Variants in GPR39 observed in about 807,000 individuals in gnomAD.
GPR39 encodes the protein G protein-coupled receptor 39, also known as zinc sensing receptor.
In GPR39, 23 loss-of-function variants were observed where a neutral mutation model predicts 18.4. That is an observed-to-expected ratio of 1.25 (90% CI 0.90 to 1.77). The LOEUF is 1.77. Among genes scored for constraint, GPR39 ranks in the 40% most tolerant of loss-of-function variants. The probability of loss-of-function intolerance (pLI) is 0.00; values close to 1 mark genes in which losing one functional copy is unlikely to be tolerated. For synonymous variants in GPR39, 280 were observed against 257.9 expected (o/e 1.09, Z -0.82); for missense variants, 647 against 602.4 (o/e 1.07, Z -0.78).
At chr2:132,560,287 A>G (rs1183811568) in intron 1 of GPR39, among the ~76,000 whole-genome samples, 1 of 151,746 alleles carries the variant, frequency 6.6e-6, no homozygotes, top group Non-Finnish European at 1.5e-5. Context: ...GATAGCTCCC[A>G]CCTTTTGCCT....
intron 1 of GPR39, among the ~76,000 whole-genome samples, chr2:132,562,033 C>A (rs1680262944): frequency 6.6e-6 from 1 of 152,122 alleles, no homozygotes; most frequent in Non-Finnish European, 1.5e-5. Flanking sequence ...TATCTAGGCA[C>A]CCCAGTCCAG....
chr2:132,540,277 T>A (rs761956206), intron 1 of GPR39, among the ~76,000 whole-genome samples: 1 of 152,088 alleles, frequency 6.6e-6, no homozygotes, highest in African/African-American at 2.4e-5. Context: ...CTCCGGAGAT[T>A]TAGTTGTGAG....
chr2:132,502,867 T>C (rs1679072528), intron 1 of GPR39, among the ~76,000 whole-genome samples: 1 of 152,222 alleles, frequency 6.6e-6, no homozygotes, highest in Admixed American at 6.5e-5. Context: ...CTGCTGAGAT[T>C]TTCTAGTGCA....
At chr2:132,606,913 A>G (rs1681148954) in intron 1 of GPR39, among the ~76,000 whole-genome samples, 1 of 152,140 alleles carries the variant, frequency 6.6e-6, no homozygotes, top group Non-Finnish European at 1.5e-5. Flanking sequence ...ACCAAGGGAG[A>G]AGTAGGCTCC....
chr2:132,564,085 A>AGGT (rs1680304755), intron 1 of GPR39, among the ~76,000 whole-genome samples: 1 of 152,260 alleles, frequency 6.6e-6, no homozygotes, highest in African/African-American at 2.4e-5. Context: ...TGTCATAAGC[A>AGGT]GATGAGCAAC....
intron 1 of GPR39, among the ~76,000 whole-genome samples, chr2:132,633,062 G>A (rs924810545): frequency 6.6e-6 from 1 of 152,028 alleles, no homozygotes; most frequent in Non-Finnish European, 1.5e-5. Context: ...AAGAATGGGG[G>A]GTAAAGAGGG....
chr2:132,538,636 A>G (rs1448154293), intron 1 of GPR39, among the ~76,000 whole-genome samples: 2 of 152,318 alleles, frequency 1.3e-5, no homozygotes, highest in Admixed American at 6.5e-5. Flanking sequence ...CAGGCAGGAA[A>G]GATTAAGTCC....
Position 132,566,056 on chromosome 2 carries a change from G to A in GPR39, c.857-79045G>A, listed in dbSNP as rs1294202777. ...TTCCTATTTCTCCACATCCTCTCCA[G>A]CACCTGTTGTTTCCTGACTTTTTAA... On this transcript the variant is annotated intron_variant, in intron 1 of 1. Transcript: ENST00000329321. 2.5e-5 allele frequency among the ~76,000 whole-genome samples: 3 copies of A among 121,476 alleles called. No individual in the cohort carries two copies. The Admixed American group carries it at 2.7e-4, about 11-fold the overall frequency. 79.7% of individuals were successfully genotyped at this position (121,476 alleles called of 152,430 possible).
intron 1 of GPR39, among the ~76,000 whole-genome samples, chr2:132,521,758 G>C (rs1475256965): frequency 6.6e-6 from 1 of 152,082 alleles, no homozygotes; most frequent in South Asian, 2.1e-4. Context: ...TTAGCAATTT[G>C]TATAGCAATA....
In GPR39 at chr2:132,645,213, G is replaced by C; in HGVS notation, c.969G>C (p.Met323Ile). Residue 323 changes from methionine to isoleucine, a missense_variant, in exon 2 of 2, where the codon ATG becomes ATC. Physicochemically the swap from Met to Ile is conservative, Grantham distance 10. Around this residue, in one of 3 missense-constraint regions of GPR39, gnomAD observed 581 missense variants for 506.8 expected, o/e 1.15. Transcript: ENST00000329321. ...CGAGGTCCTACTTCCGGGCGTACATGATCCTCCTCCCCTTCTCGGAGACGT... is the reference window on the plus strand; with the variant it reads ...CGAGGTCCTACTTCCGGGCGTACATCATCCTCCTCCCCTTCTCGGAGACGT... ...DWTRSYFRAY[M>I]ILLPFSETFF... 3 of 1,614,164 alleles carry C rather than the reference G, an allele frequency of 1.9e-6. No homozygotes were observed. Among genetic ancestry groups the C allele is most frequent in the Non-Finnish European group, 2.5e-6 (3 of 1,180,028 alleles).
At chr2:132,437,259 T>C (rs1680341607) in intron 1 of GPR39, among the ~76,000 whole-genome samples, 1 of 152,262 alleles carries the variant, frequency 6.6e-6, no homozygotes, top group African/African-American at 2.4e-5. Flanking sequence ...AAGTGCATTT[T>C]GATCTTTTCT....
At chr2:132,587,037 C>T (rs931509228) in intron 1 of GPR39, among the ~76,000 whole-genome samples, 1 of 152,208 alleles carries the variant, frequency 6.6e-6, no homozygotes, top group Non-Finnish European at 1.5e-5. Flanking sequence ...TTCTGCTTGT[C>T]AGCATTAAAA....
intron 1 of GPR39, among the ~76,000 whole-genome samples, chr2:132,503,140 A>G (rs999758608): frequency 2.0e-5 from 3 of 152,084 alleles, no homozygotes; most frequent in African/African-American, 7.2e-5. Context: ...GGTGTTAAAG[A>G]AGGTTGTTTT....
chr2:132,444,475 TG>T (rs1680499785), intron 1 of GPR39, among the ~76,000 whole-genome samples: 1 of 152,074 alleles, frequency 6.6e-6, no homozygotes, highest in Admixed American at 6.5e-5. Flanking sequence ...TTTGTAGAGA[TG>T]GGGTTCTCAC....
intron 1 of GPR39, among the ~76,000 whole-genome samples, chr2:132,600,296 G>A (rs1681015687): frequency 6.6e-6 from 1 of 152,092 alleles, no homozygotes; most frequent in South Asian, 2.1e-4. Context: ...CATTTAAAAA[G>A]TAGACAGATT....
chr2:132,498,022 G>A (rs114093490), intron 1 of GPR39, among the ~76,000 whole-genome samples: 10,170 of 152,188 alleles, frequency 0.067, 416 homozygotes, highest in Middle Eastern at 0.13. Flanking sequence ...CAGTTATGAC[G>A]ACAATATGGG....
intron 1 of GPR39, among the ~76,000 whole-genome samples, chr2:132,644,356 A>T (rs1000963271): frequency 6.6e-6 from 1 of 152,230 alleles, no homozygotes; most frequent in African/African-American, 2.4e-5. Flanking sequence ...CTGCAAAGGA[A>T]GGGAACATGT....
chr2:132,509,159 C>T (rs1679188075), intron 1 of GPR39, among the ~76,000 whole-genome samples: 1 of 152,160 alleles, frequency 6.6e-6, no homozygotes, highest in African/African-American at 2.4e-5. Flanking sequence ...CACCTGCAGG[C>T]CTTAGCCTGA....
At chr2:132,477,693 A>G (rs1464373408) in intron 1 of GPR39, among the ~76,000 whole-genome samples, 4 of 152,224 alleles carry the variant, frequency 2.6e-5, no homozygotes, top group Admixed American at 6.5e-5. Context: ...GTTTTTCTGT[A>G]GTTTCAACAG....
Sources: gnomAD v4.1 joint callset for allele counts (sites outside exome capture counted in the v4.1 genomes callset) on GRCh38, gnomAD v4.1.1 for gene constraint, gnomAD v4.1.1 regional missense constraint, MANE v1.5 for transcripts, NCBI Gene and HGNC (gene_info 2026-07-23, HGNC 2026-07-21) for gene names.